FYCO1: variants seen among roughly 807,000 people sequenced by gnomAD.
FYCO1 encodes FYVE and coiled-coil domain autophagy adaptor 1, also known as FYVE and coiled-coil domain-containing protein 1.
Under a neutral mutation model 165.1 loss-of-function variants are expected in FYCO1, and 122 were observed. That is an observed-to-expected ratio of 0.74 (90% CI 0.64 to 0.86). The LOEUF is 0.86. Ranked by LOEUF, FYCO1 falls within the 40% of genes least tolerant of loss-of-function variation. FYCO1 has a pLI of 0.00. For synonymous variants in FYCO1, 648 were observed against 742.5 expected, an observed-to-expected ratio of 0.87 and a Z score of 2.07; for missense variants, 1,702 against 1,810.3, an observed-to-expected ratio of 0.94 and a Z score of 1.09.
At chr3:45,958,073 T>G (rs1281938992) in intron 13 of FYCO1, among the ~76,000 whole-genome samples, 2 of 152,190 alleles carry the variant, frequency 1.3e-5, no homozygotes, top group African/African-American at 2.4e-5. Context: ...ACTCCTAGCC[T>G]TGAGTTACTC....
Position 45,983,776 on chromosome 3 carries a change from T to C in FYCO1, c.55+1080A>G, listed in dbSNP as rs960292463. On this transcript the variant is annotated intron_variant, in intron 2 of 17. Transcript: ENST00000296137. ...TCTAATGTCTTAGCTGAAAGTAGAC[T>C]AGAGTGGTTAGGAGCATAGACTGGT... Among the ~76,000 whole-genome samples the C allele has an allele frequency of 2.0e-5, 3 of 152,156 alleles. No homozygotes were observed. The South Asian group carries it at 6.2e-4, about 32-fold the overall frequency.
In FYCO1 at chr3:45,967,895, G is replaced by A. The variant is rs146711260; in HGVS notation, c.1439C>T (p.Thr480Met). The change falls in exon 8 of 18, where the codon ACG becomes ATG. Residue 480 changes from threonine (T) to methionine (M), a missense_variant. Coordinates refer to ENST00000296137, the MANE Select transcript of FYCO1 (RefSeq NM_024513.4). ...WRRLQELLAH[T>M]SSWEEELAEL... is the part of the protein sequence containing the mutation. The stretch of plus-strand genomic sequence containing the variant: ...TGCTAGCTCCTCCTCCCAGGAGCTC[G>A]TGTGGGCCAGCAACTCCTGCAGCCG... 717 of 1,614,080 alleles carry A rather than the reference G, an allele frequency of 4.4e-4. 2 individuals carry two copies. The African/African-American group carries it at 8.1e-3, about 18-fold the overall frequency.
intron 16 of FYCO1, 45 bp from the exon 17 acceptor site, chr3:45,923,810 G>A: frequency 1.6e-6 from 2 of 1,284,332 alleles, no homozygotes; most frequent in Non-Finnish European, 1.1e-6. Context: ...GAGGCTGAGA[G>A]GGCCCTCGGC....
chr3:45,984,844 A>C lies in FYCO1; in HGVS notation c.55+12T>G. On this transcript the variant is annotated intron_variant, in intron 2 of 17. Transcript: ENST00000296137. ...CAAAACCAAACTCAGCCTGCCCAGC[A>C]ACCTACCATACCTTGCAAGTCTCGG... The C allele has an allele frequency of 6.2e-7, 1 of 1,614,172 alleles. No individual in the cohort carries two copies. The highest frequency in any genetic ancestry group is 8.5e-7 in the Non-Finnish European group (1 of 1,180,006).
At chr3:45,933,737 C>A (rs1703747467) in intron 15 of FYCO1, among the ~76,000 whole-genome samples, 1 of 152,082 alleles carries the variant, frequency 6.6e-6, no homozygotes, top group African/African-American at 2.4e-5. Flanking sequence ...TAATAAAAAA[C>A]CACTCGTTAT....
chr3:45,965,482 A>G (rs1705959169), intron 8 of FYCO1, among the ~76,000 whole-genome samples: 1 of 152,190 alleles, frequency 6.6e-6, no homozygotes, highest in Non-Finnish European at 1.5e-5. Flanking sequence ...ACAGACCTTG[A>G]TGCAGACAGA....
At chr3:45,938,875 T>A (rs1044397397) in intron 14 of FYCO1, among the ~76,000 whole-genome samples, 1 of 152,192 alleles carries the variant, frequency 6.6e-6, no homozygotes, top group Non-Finnish European at 1.5e-5. Flanking sequence ...TGAGATGTTG[T>A]AGGAAATGTT....
In FYCO1 at chr3:45,966,265, A is replaced by C; in HGVS notation, c.3057+12T>G. 1 of 1,612,758 alleles carries C rather than the reference A, an allele frequency of 6.2e-7. No homozygotes were observed. Among genetic ancestry groups the C allele is most frequent in the Non-Finnish European group, 8.5e-7 (1 of 1,179,944 alleles). ...AGAGGGGTAGAGCCCAAGTGGTTGA[A>C]GCTAGGATTACCTTAAGTCTGCTCT... is the stretch of plus-strand genomic sequence containing the variant. On this transcript the variant is annotated intron_variant, in intron 8 of 17. Coordinates refer to ENST00000296137, the MANE Select transcript of FYCO1 (RefSeq NM_024513.4).
At chr3:45,931,313 G>T in intron 15 of FYCO1, 32 bp from the exon 16 acceptor site, 1 of 1,603,182 alleles carries the variant, frequency 6.2e-7, no homozygotes, top group East Asian at 2.2e-5. Flanking sequence ...GGACCTGATT[G>T]ACTGGGCAAA....
At position 45,964,533 on chromosome 3, in the gene FYCO1, C is replaced by T; in HGVS notation, c.3151-79G>A. 1 of 1,597,360 alleles carries T rather than the reference C, an allele frequency of 6.3e-7. No individual in the cohort carries two copies. The highest frequency in any genetic ancestry group is 8.5e-7 in the Non-Finnish European group (1 of 1,172,716). ...TACCATAAAGTGGCTGGTGTGCCAT[C>T]CACCCCATCTGGCTGGGTCACTTCT... is the stretch of plus-strand genomic sequence containing the variant. On this transcript the variant is annotated intron_variant, in intron 9 of 17. Coordinates refer to ENST00000296137, the MANE Select transcript of FYCO1 (RefSeq NM_024513.4). The surrounding 1 kb of genome is among the most constrained non-coding windows in gnomAD (Gnocchi z 4.1).
chr3:45,968,642 C>A lies in FYCO1; in HGVS notation c.692G>T (p.Gly231Val), dbSNP rs771219156. The A allele has an allele frequency of 1.2e-6, 2 of 1,614,168 alleles. No individual in the cohort carries two copies. The highest frequency in any genetic ancestry group is 1.7e-6 in the Non-Finnish European group (2 of 1,180,040). ...NSPLNNEALE[G>V]FDEMRLELDQ... ...CAGCTCTAGTCGCATCTCATCAAAGCCCTCCAATGCCTCGTTGTTTAGGGG... is the reference window on the plus strand; with the variant it reads ...CAGCTCTAGTCGCATCTCATCAAAGACCTCCAATGCCTCGTTGTTTAGGGG... The change falls in exon 8 of 18, where the codon GGC becomes GTC. Residue 231 changes from glycine (G) to valine (V), a missense_variant. By Grantham distance (109) the Gly-to-Val change is moderately radical. Coordinates refer to ENST00000296137, the MANE Select transcript of FYCO1 (RefSeq NM_024513.4).
chr3:45,941,695 TAC>T (rs377734268), intron 14 of FYCO1, among the ~76,000 whole-genome samples: 1 of 152,250 alleles, frequency 6.6e-6, no homozygotes, highest in Non-Finnish European at 1.5e-5. Flanking sequence ...TATTGACATG[TAC>T]ACACAGTCAT....
chr3:45,931,979 T>C (rs1241855930), intron 15 of FYCO1, among the ~76,000 whole-genome samples: 1 of 152,236 alleles, frequency 6.6e-6, no homozygotes, highest in Non-Finnish European at 1.5e-5. Context: ...CCTCTGTTTT[T>C]GGGGTTCTGT....
intron 16 of FYCO1, among the ~76,000 whole-genome samples, chr3:45,925,738 T>G (rs564228062): frequency 1.3e-5 from 2 of 151,916 alleles, no homozygotes; most frequent in East Asian, 3.9e-4. Context: ...GAGAGTACCA[T>G]GAGGGGAGAA....
chr3:45,946,692 G>A lies in FYCO1; in HGVS notation c.3944+8557C>T, dbSNP rs377719003. The A allele has an allele frequency of 6.8e-6, 11 of 1,614,088 alleles. No homozygotes were observed. In the East Asian group the frequency reaches 8.9e-5, roughly 13 times the overall value. On this transcript the variant is annotated intron_variant, in intron 14 of 17. Transcript: ENST00000296137. ...GCAGAGCCTGACGGATGTGTTCCTGGTGAACCTACCCCTGGCTGACCTGGT... is the reference window on the plus strand; with the variant it reads ...GCAGAGCCTGACGGATGTGTTCCTGATGAACCTACCCCTGGCTGACCTGGT...
intron 16 of FYCO1, among the ~76,000 whole-genome samples, chr3:45,929,238 C>T (rs893624203): frequency 6.6e-6 from 1 of 152,212 alleles, no homozygotes; most frequent in Admixed American, 6.5e-5. Flanking sequence ...CCTTCTGCCC[C>T]CTGGTGTCAC....
At chr3:45,939,446 G>A (rs1203685511) in intron 14 of FYCO1, among the ~76,000 whole-genome samples, 1 of 152,158 alleles carries the variant, frequency 6.6e-6, no homozygotes, top group Non-Finnish European at 1.5e-5. Context: ...CTTCAGCTTG[G>A]TGTCTACAAA....
At chr3:45,988,362 TTG>T (rs1170417714) in intron 1 of FYCO1, among the ~76,000 whole-genome samples, 7 of 152,228 alleles carry the variant, frequency 4.6e-5, no homozygotes, top group Non-Finnish European at 8.8e-5. Context: ...GCCAACTTCC[TTG>T]TGTCTCTAGA....
In FYCO1 at chr3:45,967,084, C is replaced by A; in HGVS notation, c.2250G>T (p.Glu750Asp). 6.2e-7 allele frequency: 1 copy of A among 1,613,976 alleles called. No individual in the cohort carries two copies. Among genetic ancestry groups the A allele is most frequent in the Non-Finnish European group, 8.5e-7 (1 of 1,180,038 alleles). ...GTGGGCCAACTCCCTGTTGGCCTTT[C>A]TCTGCTGTGAGGACCTCAATCAGCT... is the stretch of plus-strand genomic sequence containing the variant. ...QTQLIEVLTA[E>D]KGQQGVGPPT... Residue 750 changes from glutamate to aspartate, a missense_variant, in exon 8 of 18, where the codon GAG becomes GAT. By Grantham distance (45) the Glu-to-Asp change is conservative (BLOSUM62 2). Transcript: ENST00000296137.
Sources: allele counts gnomAD v4.1 joint callset (sites outside exome capture counted in the v4.1 genomes callset), GRCh38; gene constraint gnomAD v4.1.1; non-coding constraint Gnocchi (gnomAD v3.1); transcripts MANE v1.5; gene names NCBI Gene and HGNC (gene_info 2026-07-23, HGNC 2026-07-21).